The following COL5A2 variants were observed in gnomAD, a reference collection of about 807,000 sequenced individuals.
The protein encoded by COL5A2 is collagen type V alpha 2 chain.
Under a neutral mutation model 208.2 loss-of-function variants are expected in COL5A2, and 23 were observed. The observed-to-expected ratio is 0.11, with a 90% CI of 0.08 to 0.16. The LOEUF (loss-of-function observed/expected upper bound fraction) is 0.16, where lower values mean the gene tolerates loss of function less well. COL5A2 is among the 10% of genes least tolerant of loss of function. The pLI is 1.00. For synonymous variants in COL5A2, 625 were observed against 628.5 expected, an observed-to-expected ratio of 0.99 and a Z score of 0.08; for missense variants, 1,590 against 1,956.4, an observed-to-expected ratio of 0.81 and a Z score of 3.53.
the COL5A2 span, among the ~76,000 whole-genome samples, chr2:189,320,332 T>C: frequency 2.6e-5 from 4 of 152,064 alleles, 1 homozygote; most frequent in East Asian, 7.7e-4. Flanking sequence ...CTTTGATGAG[T>C]TGAGAGAAGA....
the COL5A2 span, chr2:189,311,665 G>T: frequency 1.3e-6 from 1 of 764,026 alleles, no homozygotes; most frequent in South Asian, 1.4e-5. Context: ...TCAGCTCCAT[G>T]AGCATCATCT....
intron 7 of COL5A2, among the ~76,000 whole-genome samples, chr2:189,088,990 T>C (rs1686725388): frequency 6.6e-6 from 1 of 152,230 alleles, no homozygotes; most frequent in Non-Finnish European, 1.5e-5. Context: ...TATAAGTATG[T>C]TGCTCCAGAG....
intron 7 of COL5A2, among the ~76,000 whole-genome samples, chr2:189,090,239 CACA>C (rs1303322896): frequency 6.6e-6 from 1 of 152,074 alleles, no homozygotes; most frequent in Non-Finnish European, 1.5e-5. Flanking sequence ...TCAAACCAAC[CACA>C]ACATTATCTT....
At chr2:189,109,106 A>C (rs1687209707) in intron 2 of COL5A2, among the ~76,000 whole-genome samples, 1 of 151,920 alleles carries the variant, frequency 6.6e-6, no homozygotes, top group African/African-American at 2.4e-5. Flanking sequence ...TCTGTGCATA[A>C]TGCAATTGCC....
At chr2:189,115,072 C>T (rs916856115) in intron 1 of COL5A2, among the ~76,000 whole-genome samples, 8 of 152,084 alleles carry the variant, frequency 5.3e-5, no homozygotes, top group Admixed American at 5.2e-4. Flanking sequence ...TTTACCCTCA[C>T]CAAATGTTCC....
Position 189,168,800 on chromosome 2 carries a change from T to C in COL5A2, c.97+10708A>G, listed in dbSNP as rs10193357. ...ATTAAAGAATTTCATAGCTACAAAT[T>C]ATCTGGTAAAATTCCACCTGCATCT... On this transcript the variant is annotated intron_variant, in intron 1 of 53. Transcript: ENST00000374866. Among the ~76,000 whole-genome samples, 505 of 152,300 alleles carry C rather than the reference T, an allele frequency of 3.3e-3. 2 individuals are homozygous for C. Among genetic ancestry groups the C allele is most frequent in the African/African-American group, 0.011 (478 of 41,570 alleles).
intron 1 of COL5A2, among the ~76,000 whole-genome samples, chr2:189,132,063 T>G (rs1687726549): frequency 6.6e-6 from 1 of 152,224 alleles, no homozygotes; most frequent in Non-Finnish European, 1.5e-5. Flanking sequence ...TTGTCTTGTA[T>G]TAAAATGTCT....
Position 189,097,622 on chromosome 2 carries a change from G to T in COL5A2, c.403-292C>A, listed in dbSNP as rs77535435. On this transcript the variant is annotated intron_variant, in intron 5 of 53. Coordinates refer to ENST00000374866, the MANE Select transcript of COL5A2 (RefSeq NM_000393.5). ...TTGACTAGTAATTGCAAATTTTTAA[G>T]GATCATATTTGCTGTCTTCTCCCAG... The T allele has an allele frequency of 3.0e-3, 1,728 of 581,300 alleles. 21 individuals carry two copies. The highest frequency in any genetic ancestry group is 0.025 in the African/African-American group (1,359 of 54,672). The allele number at this position is 581,300 out of a possible 1,614,324, so 36.0% of individuals were successfully genotyped here. A position where few individuals can be genotyped will look rare whatever the true frequency, so the allele number is the denominator to read the frequency against.
chr2:189,311,563 G>A, the COL5A2 span: 2 of 1,261,088 alleles, frequency 1.6e-6, no homozygotes, highest in African/African-American at 1.5e-5. Context: ...GCTGGGCGTA[G>A]TGGGCCTCCA....
chr2:189,100,461 G>A (rs936671037), intron 3 of COL5A2, among the ~76,000 whole-genome samples: 2 of 151,832 alleles, frequency 1.3e-5, no homozygotes, highest in Non-Finnish European at 2.9e-5. Context: ...TAAAGACAAA[G>A]CACCAGAGGA....
chr2:189,159,612 C>T (rs528551372), intron 1 of COL5A2, among the ~76,000 whole-genome samples: 1 of 152,236 alleles, frequency 6.6e-6, no homozygotes, highest in Non-Finnish European at 1.5e-5. Flanking sequence ...AATGTTGCTG[C>T]TTTTATTACA....
chr2:189,243,021 A>G, the COL5A2 span, among the ~76,000 whole-genome samples: 5 of 152,220 alleles, frequency 3.3e-5, no homozygotes, highest in African/African-American at 7.2e-5. Flanking sequence ...ATGGAGGAGT[A>G]GATAATAAAA....
chr2:189,088,038 C>T (rs1347689626), intron 8 of COL5A2, among the ~76,000 whole-genome samples: 1 of 152,144 alleles, frequency 6.6e-6, no homozygotes, highest in African/African-American at 2.4e-5. Context: ...TCTGATTTTG[C>T]ACTTCTTATT....
chr2:189,054,192 G>A lies in COL5A2; in HGVS notation c.2412C>T (p.Gly804=). 1 of 1,614,000 alleles carries A rather than the reference G, an allele frequency of 6.2e-7. No individual in the cohort carries two copies. Among genetic ancestry groups the A allele is most frequent in the Non-Finnish European group, 8.5e-7 (1 of 1,179,900 alleles). ...DGARGLPGPL[G]PPGPAGPTGE... ...CAGTAGGACCTGCCGGACCTGGAGG[G>A]CCCAAAGGACCTGGAAGACCCTGTC... The change falls in exon 36 of 54, where the codon GGC becomes GGT. Residue 804 remains glycine (G), a synonymous_variant. Coordinates refer to ENST00000374866, the MANE Select transcript of COL5A2 (RefSeq NM_000393.5).
chr2:189,143,041 G>A (rs1687965880), intron 1 of COL5A2, among the ~76,000 whole-genome samples: 1 of 152,000 alleles, frequency 6.6e-6, no homozygotes, highest in African/African-American at 2.4e-5. Flanking sequence ...TAAATTTCTA[G>A]GTGCTTAGCC....
chr2:189,034,127 A>G lies in COL5A2; in HGVS notation c.4443T>C (p.Asp1481=), dbSNP rs142857608. ...CGAATTCCTGGTCTGTGCCGCCAACATCCACAGGAGCAAGATCTATGATGG... is the reference window on the plus strand; with the variant it reads ...CGAATTCCTGGTCTGTGCCGCCAACGTCCACAGGAGCAAGATCTATGATGG... ...RLPIIDLAPV[D]VGGTDQEFGV... Residue 1481 remains aspartate, a synonymous_variant, in exon 54 of 54, where the codon GAT becomes GAC. Coordinates refer to ENST00000374866, the MANE Select transcript of COL5A2 (RefSeq NM_000393.5). 126 of 1,613,952 alleles carry G rather than the reference A, an allele frequency of 7.8e-5. No homozygotes were observed. Among genetic ancestry groups the G allele is most frequent in the Non-Finnish European group, 1.0e-4 (120 of 1,179,958 alleles).
chr2:189,226,081 C>A (rs1164038536), upstream of COL5A2, among the ~76,000 whole-genome samples: 1 of 152,154 alleles, frequency 6.6e-6, no homozygotes, highest in African/African-American at 2.4e-5. Flanking sequence ...AATATCATCA[C>A]ATAAACACTT....
the COL5A2 span, among the ~76,000 whole-genome samples, chr2:189,372,621 C>A: frequency 5.9e-5 from 9 of 152,016 alleles, no homozygotes; most frequent in Non-Finnish European, 8.8e-5. Flanking sequence ...TAAATGGTAA[C>A]ATTTCTGCAA....
chr2:189,354,258 C>T, the COL5A2 span, among the ~76,000 whole-genome samples: 3 of 152,160 alleles, frequency 2.0e-5, no homozygotes, highest in African/African-American at 7.2e-5. Context: ...TGTTGTGTCT[C>T]TGCCAGGTTT....
Sources: gnomAD v4.1 joint callset for allele counts (sites outside exome capture counted in the v4.1 genomes callset) on GRCh38, gnomAD v4.1.1 for gene constraint, MANE v1.5 for transcripts, NCBI Gene and HGNC (gene_info 2026-07-23, HGNC 2026-07-21) for gene names.